Variants in ARHGEF4 observed in about 807,000 individuals in gnomAD.
ARHGEF4 encodes the protein APC-stimulated guanine nucleotide exchange factor 1.
ARHGEF4 carries 119 observed loss-of-function variants against 162.0 expected under a neutral mutation model. The ratio of observed to expected loss-of-function variants is 0.73; its 90% CI spans 0.63 to 0.86. ARHGEF4 has a LOEUF of 0.86. ARHGEF4 is among the 40% of genes least tolerant of loss of function. The pLI, the probability that ARHGEF4 is intolerant of heterozygous loss-of-function variation, is 0.00. For missense variants in ARHGEF4, 2,488 were observed against 2,456.0 expected, an observed-to-expected ratio of 1.01 and a Z score of -0.28; for synonymous variants, 1,014 against 979.9, an observed-to-expected ratio of 1.03 and a Z score of -0.65.
chr2:131,028,878 A>G (rs1429128255), intron 5 of ARHGEF4, among the ~76,000 whole-genome samples: 2 of 152,214 alleles, frequency 1.3e-5, no homozygotes, highest in African/African-American at 4.8e-5. Context: ...CCAGGATCTT[A>G]TAGCACACAG....
intron 4 of ARHGEF4, among the ~76,000 whole-genome samples, chr2:130,973,148 G>A (rs535392287): frequency 4.7e-4 from 72 of 152,224 alleles, no homozygotes; most frequent in Non-Finnish European, 8.1e-4. Flanking sequence ...TGGCCTACAG[G>A]AAGGATGCAA....
intron 3 of ARHGEF4, 143 bp downstream of exon 3, chr2:130,931,400 C>T: frequency 1.1e-6 from 1 of 882,462 alleles, no homozygotes; most frequent in Non-Finnish European, 1.7e-6. Context: ...CAGCATGCTG[C>T]CTGGGCCACA....
At chr2:131,015,471 T>C (rs1302973573) in intron 4 of ARHGEF4, among the ~76,000 whole-genome samples, 4 of 152,204 alleles carry the variant, frequency 2.6e-5, no homozygotes, top group Non-Finnish European at 4.4e-5. Flanking sequence ...TGTGCCATGC[T>C]AGTGTGAGAC....
intron 4 of ARHGEF4, among the ~76,000 whole-genome samples, chr2:131,009,274 C>A (rs1688307577): frequency 6.6e-6 from 1 of 152,104 alleles, no homozygotes; most frequent in South Asian, 2.1e-4. Flanking sequence ...CAGTTTTTTT[C>A]TTTCAGCAAT....
chr2:130,988,019 G>T (rs1293991075), intron 4 of ARHGEF4, among the ~76,000 whole-genome samples: 2 of 152,148 alleles, frequency 1.3e-5, no homozygotes, highest in Admixed American at 1.3e-4. Flanking sequence ...AAATCAGGAA[G>T]ATAACATGAT....
chr2:131,040,883 T>C (rs1690757668), intron 8 of ARHGEF4, among the ~76,000 whole-genome samples: 2 of 152,186 alleles, frequency 1.3e-5, no homozygotes, highest in Non-Finnish European at 2.9e-5. Context: ...GGCCTTGTTT[T>C]GGCCCTCTTG....
Position 130,917,038 on chromosome 2 carries a change from A to T in ARHGEF4, c.3092A>T (p.Lys1031Met). 2 of 1,550,930 alleles carry T rather than the reference A, an allele frequency of 1.3e-6. No homozygotes were observed. The highest frequency in any genetic ancestry group is 1.7e-6 in the Non-Finnish European group (2 of 1,147,078). ...EHRRKSEPTIKCTATQEGGRY... is the reference protein window; with the variant it reads ...EHRRKSEPTIMCTATQEGGRY... ...AGGAGGAAAAGTGAACCGACCATCA[A>T]GTGCACAGCCACCCAGGAAGGCGGT... Residue 1031 changes from lysine (K) to methionine (M), a missense_variant, in exon 2 of 14, where the codon AAG becomes ATG. Around this residue, in one of 6 missense-constraint regions of ARHGEF4, gnomAD observed 1,642 missense variants for 1,481.5 expected, o/e 1.11. Coordinates refer to ENST00000409359, the MANE Select transcript of ARHGEF4 (RefSeq NM_001367493.1).
At chr2:130,972,652 A>G (rs1339816528) in intron 4 of ARHGEF4, among the ~76,000 whole-genome samples, 1 of 152,244 alleles carries the variant, frequency 6.6e-6, no homozygotes, top group African/African-American at 2.4e-5. Context: ...CACTCAGGCT[A>G]GTAGCTGAAA....
chr2:131,023,084 A>C (rs1191781165), intron 4 of ARHGEF4, among the ~76,000 whole-genome samples: 1 of 149,826 alleles, frequency 6.7e-6, no homozygotes, highest in Non-Finnish European at 1.5e-5. Context: ...CAAAAAAAAA[A>C]AAAAAAAAAA....
At chr2:130,996,749 A>G (rs548073036) in intron 4 of ARHGEF4, among the ~76,000 whole-genome samples, 48 of 152,264 alleles carry the variant, frequency 3.2e-4, no homozygotes, top group African/African-American at 1.0e-3. Context: ...GCGCACCAGT[A>G]TACTCTCCAC....
chr2:131,007,618 G>T (rs1003459694), intron 4 of ARHGEF4, among the ~76,000 whole-genome samples: 4 of 151,810 alleles, frequency 2.6e-5, no homozygotes, highest in Non-Finnish European at 5.9e-5. Context: ...AATAGATACT[G>T]TTAACTATTT....
At position 130,931,049 on chromosome 2, in the gene ARHGEF4, C is replaced by G; in HGVS notation, c.3650C>G (p.Thr1217Ser). 6.2e-7 allele frequency: 1 copy of G among 1,614,172 alleles called. No homozygotes were observed. The highest frequency in any genetic ancestry group is 8.5e-7 in the Non-Finnish European group (1 of 1,180,030). ...HMEPAQKPCF[T>S]TDMVTWALLC... The stretch of plus-strand genomic sequence containing the variant: ...GAGCCTGCCCAGAAGCCCTGCTTCA[C>G]CACTGACATGGTGACATGGGCCCTC... The change falls in exon 3 of 14, where the codon ACC becomes AGC. Residue 1217 changes from threonine to serine, a missense_variant. Physicochemically the swap from Thr to Ser is moderately conservative, Grantham distance 58. This residue lies in a region of ARHGEF4 where 1,642 missense variants were observed against 1,481.5 expected (regional missense o/e 1.11). Coordinates refer to ENST00000409359, the MANE Select transcript of ARHGEF4 (RefSeq NM_001367493.1).
chr2:130,865,729 T>C (rs1316480400), intron 1 of ARHGEF4, among the ~76,000 whole-genome samples: 4 of 151,698 alleles, frequency 2.6e-5, no homozygotes, highest in Non-Finnish European at 4.4e-5. Flanking sequence ...TGTTTGTTTG[T>C]TTTGCCTCCA....
At chr2:130,912,971 AT>A (rs1163811875) in intron 1 of ARHGEF4, among the ~76,000 whole-genome samples, 1 of 152,084 alleles carries the variant, frequency 6.6e-6, no homozygotes, top group Non-Finnish European at 1.5e-5. Context: ...TTTTGTTAAT[AT>A]TGTTAATTTT....
intron 3 of ARHGEF4, among the ~76,000 whole-genome samples, chr2:130,932,411 G>C (rs867637909): frequency 1.5e-4 from 23 of 152,148 alleles, no homozygotes; most frequent in Non-Finnish European, 2.9e-5. Context: ...GTTTCACCAT[G>C]TTGGCCAGGC....
intron 4 of ARHGEF4, among the ~76,000 whole-genome samples, chr2:130,989,519 T>C (rs1686796499): frequency 6.6e-6 from 1 of 152,222 alleles, no homozygotes; most frequent in Non-Finnish European, 1.5e-5. Flanking sequence ...ATTTTTAGCA[T>C]TGCACATGAC....
In ARHGEF4 at chr2:131,028,019, C is replaced by G. The variant is rs1034030790; in HGVS notation, c.4060C>G (p.Leu1354Val). 1.9e-6 allele frequency: 3 copies of G among 1,614,012 alleles called. No individual in the cohort carries two copies. The highest frequency in any genetic ancestry group is 2.5e-6 in the Non-Finnish European group (3 of 1,180,004). Reference sequence around the variant, plus strand: ...GAGCGAGGAGGACCTGTATGATGACCTGCACAGCTCCAGCCACCACTACAG... The same window carrying G: ...GAGCGAGGAGGACCTGTATGATGACGTGCACAGCTCCAGCCACCACTACAG... ...VGSEEDLYDD[L>V]HSSSHHYSHP... The change falls in exon 5 of 14, where the codon CTG becomes GTG. Residue 1354 changes from leucine (L) to valine (V), a missense_variant. By Grantham distance (32) the Leu-to-Val change is conservative. Around this residue, in one of 6 missense-constraint regions of ARHGEF4, gnomAD observed 1,642 missense variants for 1,481.5 expected, o/e 1.11. Transcript: ENST00000409359.
chr2:131,026,209 T>G (rs1018541742), intron 4 of ARHGEF4, among the ~76,000 whole-genome samples: 4 of 152,138 alleles, frequency 2.6e-5, no homozygotes, highest in Non-Finnish European at 5.9e-5. Context: ...CCAACCTCAC[T>G]CTATACCACA....
chr2:130,941,653 A>G (rs1233680849), intron 3 of ARHGEF4, among the ~76,000 whole-genome samples: 1 of 152,206 alleles, frequency 6.6e-6, no homozygotes, highest in Non-Finnish European at 1.5e-5. Context: ...CAATAAAGTA[A>G]GCCAGAGAAA....
Sources: allele counts gnomAD v4.1 joint callset (sites outside exome capture counted in the v4.1 genomes callset), GRCh38; gene constraint gnomAD v4.1.1; regional missense constraint gnomAD v4.1.1; transcripts MANE v1.5; gene names NCBI Gene and HGNC (gene_info 2026-07-23, HGNC 2026-07-21).